CNTN5: variants seen among roughly 807,000 people sequenced by gnomAD.
CNTN5 encodes the protein contactin-5.
A neutral mutation model predicts 129.1 loss-of-function variants in CNTN5; 77 were observed. The ratio of observed to expected loss-of-function variants is 0.60; its 90% CI spans 0.50 to 0.72. The LOEUF (loss-of-function observed/expected upper bound fraction) is 0.72. Among genes scored for constraint, CNTN5 ranks in the 30% least tolerant of loss-of-function variants. CNTN5 has a pLI of 0.00. For missense variants in CNTN5, 1,478 were observed against 1,328.8 expected, an observed-to-expected ratio of 1.11 and a Z score of -1.75; for synonymous variants, 509 against 465.6, an observed-to-expected ratio of 1.09 and a Z score of -1.20.
At chr11:99,196,105 A>C (rs1591343248) in intron 1 of CNTN5, among the ~76,000 whole-genome samples, 2 of 151,984 alleles carry the variant, frequency 1.3e-5, no homozygotes, top group Admixed American at 1.3e-4. Context: ...AGAAAGGTTA[A>C]AAGTGTCTAT....
At chr11:99,630,279 C>G (rs932011049) in intron 3 of CNTN5, among the ~76,000 whole-genome samples, 2 of 150,260 alleles carry the variant, frequency 1.3e-5, no homozygotes, top group African/African-American at 4.9e-5. Context: ...TGTATATACA[C>G]ATAATATGGT....
chr11:100,277,254 T>G (rs1314198811), intron 18 of CNTN5, among the ~76,000 whole-genome samples: 1 of 152,226 alleles, frequency 6.6e-6, no homozygotes, highest in African/African-American at 2.4e-5. Context: ...TTCCAGATAT[T>G]GGCTATGGTG....
At chr11:99,694,831 A>G (rs1954199240) in intron 3 of CNTN5, among the ~76,000 whole-genome samples, 1 of 152,106 alleles carries the variant, frequency 6.6e-6, no homozygotes, top group Non-Finnish European at 1.5e-5. Flanking sequence ...GTTAAACACC[A>G]GACTAGATGA....
chr11:99,984,775 A>G (rs1327266723), intron 8 of CNTN5, among the ~76,000 whole-genome samples: 1 of 152,232 alleles, frequency 6.6e-6, no homozygotes, highest in African/African-American at 2.4e-5. Context: ...GCATGCATAA[A>G]TGGGAAGAAT....
intron 15 of CNTN5, among the ~76,000 whole-genome samples, chr11:100,210,051 T>A (rs1313012756): frequency 6.6e-6 from 1 of 151,210 alleles, no homozygotes; most frequent in African/African-American, 2.4e-5. Context: ...AAAAAAATAG[T>A]CCAGCCTGCA....
intron 13 of CNTN5, among the ~76,000 whole-genome samples, chr11:100,152,471 CAGA>C (rs1420373507): frequency 1.3e-5 from 2 of 152,066 alleles, no homozygotes; most frequent in Non-Finnish European, 2.9e-5. Flanking sequence ...ATGCGTGACA[CAGA>C]AGAAGTGAAC....
chr11:99,420,012 A>G (rs1942817647), intron 2 of CNTN5, among the ~76,000 whole-genome samples: 1 of 152,150 alleles, frequency 6.6e-6, no homozygotes. Flanking sequence ...AATTAAATAA[A>G]GTAGGAGAAG....
At chr11:99,675,480 C>T (rs1275976037) in intron 3 of CNTN5, among the ~76,000 whole-genome samples, 2 of 152,016 alleles carry the variant, frequency 1.3e-5, no homozygotes, top group African/African-American at 2.4e-5. Context: ...CTCGGCAGTT[C>T]GAGACCAGCC....
At chr11:99,856,038 A>G (rs1948024244) in intron 6 of CNTN5, among the ~76,000 whole-genome samples, 1 of 152,218 alleles carries the variant, frequency 6.6e-6, no homozygotes, top group Non-Finnish European at 1.5e-5. Flanking sequence ...TAAAAAATGC[A>G]GAGAGAAGTA....
intron 3 of CNTN5, among the ~76,000 whole-genome samples, chr11:99,583,489 A>G (rs1305120676): frequency 6.6e-6 from 1 of 152,100 alleles, no homozygotes. Flanking sequence ...TGAGCTTCCC[A>G]TCCGCTTTGT....
chr11:99,698,540 G>A (rs1371024812), intron 3 of CNTN5, among the ~76,000 whole-genome samples: 3 of 151,368 alleles, frequency 2.0e-5, no homozygotes, highest in Non-Finnish European at 4.4e-5. Flanking sequence ...TGGTGACAGA[G>A]GCAATACTTT....
intron 3 of CNTN5, among the ~76,000 whole-genome samples, chr11:99,593,866 C>G (rs932008644): frequency 2.0e-5 from 3 of 152,166 alleles, no homozygotes; most frequent in African/African-American, 7.2e-5. Flanking sequence ...CTTTCTTATT[C>G]CCAGTGTAAT....
intron 1 of CNTN5, among the ~76,000 whole-genome samples, chr11:99,172,818 T>C (rs1861207313): frequency 6.6e-6 from 1 of 152,186 alleles, no homozygotes; most frequent in African/African-American, 2.4e-5. Context: ...AGTGAGAATT[T>C]GTTTCCATCA....
At chr11:99,291,803 TGA>T (rs1864182463) in intron 1 of CNTN5, among the ~76,000 whole-genome samples, 1 of 152,050 alleles carries the variant, frequency 6.6e-6, no homozygotes, top group Non-Finnish European at 1.5e-5. Context: ...GGATTCACAC[TGA>T]GTCTAACAAC....
intron 15 of CNTN5, among the ~76,000 whole-genome samples, chr11:100,216,178 G>A (rs765125110): frequency 7.2e-5 from 11 of 152,058 alleles, no homozygotes; most frequent in Non-Finnish European, 1.5e-4. Flanking sequence ...CATACTCTCC[G>A]TGGCTGGGCT....
At chr11:100,171,828 C>T (rs1947836223) in intron 13 of CNTN5, among the ~76,000 whole-genome samples, 1 of 141,936 alleles carries the variant, frequency 7.0e-6, no homozygotes, top group Non-Finnish European at 1.5e-5. Context: ...TTTTACCAAA[C>T]TATTCGAAAA....
intron 3 of CNTN5, among the ~76,000 whole-genome samples, chr11:99,664,893 TATGGTATAATGTGG>T (rs1257911796): frequency 1.4e-4 from 21 of 152,192 alleles, no homozygotes; most frequent in African/African-American, 4.3e-4. Flanking sequence ...ATTTAGCTAA[TATGGTATAATGTGG>T]AATGCCAAAT....
intron 1 of CNTN5, among the ~76,000 whole-genome samples, chr11:99,306,328 C>T (rs535916458): frequency 2.6e-4 from 39 of 152,098 alleles, no homozygotes; most frequent in African/African-American, 8.2e-4. Flanking sequence ...TAGAATAATA[C>T]TTATCTTTTA....
chr11:100,242,832 A>T (rs775501449), intron 16 of CNTN5, among the ~76,000 whole-genome samples: 6 of 152,244 alleles, frequency 3.9e-5, no homozygotes, highest in Non-Finnish European at 7.3e-5. Flanking sequence ...AAAGAGACTA[A>T]TTACATTTTT....
Sources: gnomAD v4.1 joint callset for allele counts (sites outside exome capture counted in the v4.1 genomes callset) on GRCh38, gnomAD v4.1.1 for gene constraint, MANE v1.5 for transcripts, NCBI Gene and HGNC (gene_info 2026-07-23, HGNC 2026-07-21) for gene names.